Variants in SULT1E1 observed in about 807,000 individuals in gnomAD.
SULT1E1 encodes the protein sulfotransferase 1E1.
SULT1E1 carries 36 observed loss-of-function variants against 33.6 expected under a neutral mutation model. That is an observed-to-expected ratio of 1.07 (90% CI 0.82 to 1.41). SULT1E1 has a LOEUF of 1.41. Among genes scored for constraint, SULT1E1 ranks in the 40% most tolerant of loss-of-function variants. The pLI is 0.00. For missense variants in SULT1E1, 371 were observed against 345.7 expected (o/e 1.07, Z -0.58); for synonymous variants, 121 against 111.7 (o/e 1.08, Z -0.53).
At position 69,849,453 on chromosome 4, in the gene SULT1E1, T is replaced by A. The variant is rs1472692670; in HGVS notation, c.480A>T (p.Lys160Asn). ...NPGSFPEFVE[K>N]FMQGQVPYGS... The stretch of plus-strand genomic sequence containing the variant: ...TGTTCCTACCCTGTCCTTGCATGAA[T>A]TTCTCCACAAACTCTGGAAAGGATC... Residue 160 changes from lysine to asparagine, a missense_variant, in exon 5 of 8, where the codon AAA becomes AAT. Transcript: ENST00000226444. 6.2e-7 allele frequency: 1 copy of A among 1,611,154 alleles called. No homozygotes were observed. The highest frequency in any genetic ancestry group is 1.3e-5 in the African/African-American group (1 of 74,790).
At chr4:69,825,009 C>A in the SULT1E1 span, among the ~76,000 whole-genome samples, 1 of 152,150 alleles carries the variant, frequency 6.6e-6, no homozygotes, top group Non-Finnish European at 1.5e-5. Context: ...TGAAGGTCTG[C>A]AGCTTCACTC....
intron 3 of SULT1E1, 140 bp from the exon 4 acceptor site, chr4:69,854,454 C>A: frequency 1.8e-6 from 1 of 566,818 alleles, no homozygotes; most frequent in Non-Finnish European, 2.9e-6. Context: ...AGTATAAATT[C>A]TTGAGGGAAT....
the SULT1E1 span, among the ~76,000 whole-genome samples, chr4:69,832,871 G>A: frequency 9.2e-5 from 14 of 152,130 alleles, no homozygotes; most frequent in Non-Finnish European, 2.9e-5. Flanking sequence ...ATTCGAGGGG[G>A]AAGTTTACTT....
chr4:69,830,122 AC>A, the SULT1E1 span, among the ~76,000 whole-genome samples: 1 of 151,794 alleles, frequency 6.6e-6, no homozygotes, highest in Admixed American at 6.6e-5. Context: ...GTCTCAGCCA[AC>A]TCTCAAATCC....
chr4:69,843,131 C>A (rs1227756304), intron 7 of SULT1E1, among the ~76,000 whole-genome samples: 2 of 152,014 alleles, frequency 1.3e-5, no homozygotes, highest in Non-Finnish European at 2.9e-5. Context: ...CCACCGCGCC[C>A]AGCCCACCTT....
chr4:69,839,292 T>A (rs549813375), downstream of SULT1E1, among the ~76,000 whole-genome samples: 19 of 152,302 alleles, frequency 1.2e-4, no homozygotes, highest in Non-Finnish European at 2.6e-4. Flanking sequence ...GAGGGCCTTT[T>A]TGCTGCAACA....
downstream of SULT1E1, among the ~76,000 whole-genome samples, chr4:69,836,877 T>A (rs893070837): frequency 2.0e-5 from 3 of 152,138 alleles, no homozygotes; most frequent in Non-Finnish European, 4.4e-5. Flanking sequence ...TATCTAACTG[T>A]TATAAAACAA....
intron 7 of SULT1E1, among the ~76,000 whole-genome samples, chr4:69,843,324 C>A (rs1043545108): frequency 6.6e-6 from 1 of 152,156 alleles, no homozygotes; most frequent in Non-Finnish European, 1.5e-5. Context: ...TCCTCTGTAA[C>A]ATTTATATGT....
intron 6 of SULT1E1, among the ~76,000 whole-genome samples, chr4:69,847,341 A>G (rs1720997084): frequency 6.6e-6 from 1 of 151,606 alleles, no homozygotes; most frequent in Non-Finnish European, 1.5e-5. Context: ...TAACAATTGC[A>G]ACATCTCTAC....
chr4:69,838,973 T>G (rs1720837988), downstream of SULT1E1, among the ~76,000 whole-genome samples: 1 of 152,198 alleles, frequency 6.6e-6, no homozygotes, highest in South Asian at 2.1e-4. Context: ...ATTTAATCAT[T>G]TATTTATATC....
chr4:69,833,113 G>C, the SULT1E1 span, among the ~76,000 whole-genome samples: 1 of 151,858 alleles, frequency 6.6e-6, no homozygotes, highest in East Asian at 1.9e-4. Flanking sequence ...CACTATATGT[G>C]CCTAAGTACA....
At chr4:69,859,371 T>A (rs977391898) in intron 1 of SULT1E1, among the ~76,000 whole-genome samples, 4 of 152,046 alleles carry the variant, frequency 2.6e-5, no homozygotes, top group African/African-American at 9.7e-5. Context: ...AATACTATGG[T>A]GGATATAGAT....
chr4:69,842,088 T>C lies in SULT1E1; in HGVS notation c.791A>G (p.Lys264Arg). The C allele has an allele frequency of 1.2e-6, 2 of 1,604,618 alleles. No homozygotes were observed. Among genetic ancestry groups the C allele is most frequent in the Non-Finnish European group, 1.7e-6 (2 of 1,174,654 alleles). The change falls in exon 8 of 8, where the codon AAA (lysine) becomes AGA (arginine). Residue 264 changes from lysine (K) to arginine (R), a missense_variant. Transcript: ENST00000226444. ...ATTCAGGGCTACTGTAAAGTGATTT[T>C]TCCAGTCTCCTGTAATTCCTGTAAC... ...FMRKGITGDW[K>R]NHFTVALNEK...
the SULT1E1 span, among the ~76,000 whole-genome samples, chr4:69,824,700 T>C: frequency 2.0e-5 from 3 of 151,982 alleles, no homozygotes; most frequent in African/African-American, 7.3e-5. Flanking sequence ...CAGCACTCTG[T>C]AAAGCACACT....
At chr4:69,842,447 T>G (rs534925327) in intron 7 of SULT1E1, among the ~76,000 whole-genome samples, 3 of 152,230 alleles carry the variant, frequency 2.0e-5, no homozygotes, top group Admixed American at 6.5e-5. Flanking sequence ...TTAATGCTGA[T>G]AGCACTAAAA....
chr4:69,827,411 C>T, the SULT1E1 span, among the ~76,000 whole-genome samples: 2 of 152,128 alleles, frequency 1.3e-5, no homozygotes, highest in African/African-American at 4.8e-5. Flanking sequence ...TCGCAAACAT[C>T]TGTTGACCCG....
At chr4:69,853,394 A>G (rs1042122644) in intron 4 of SULT1E1, among the ~76,000 whole-genome samples, 7 of 152,134 alleles carry the variant, frequency 4.6e-5, no homozygotes, top group Non-Finnish European at 8.8e-5. Context: ...GACTTTCAAT[A>G]TTTCTTATAA....
At chr4:69,827,512 C>A in the SULT1E1 span, among the ~76,000 whole-genome samples, 1 of 152,188 alleles carries the variant, frequency 6.6e-6, no homozygotes, top group African/African-American at 2.4e-5. Flanking sequence ...GAAAATCCTT[C>A]TGCCTTCCTC....
At chr4:69,843,272 C>T (rs1182124898) in intron 7 of SULT1E1, among the ~76,000 whole-genome samples, 1 of 152,154 alleles carries the variant, frequency 6.6e-6, no homozygotes, top group Non-Finnish European at 1.5e-5. Flanking sequence ...TCTGAGGGTA[C>T]AGCAGCAAGT....
Sources: allele counts gnomAD v4.1 joint callset (sites outside exome capture counted in the v4.1 genomes callset), GRCh38; gene constraint gnomAD v4.1.1; transcripts MANE v1.5; gene names NCBI Gene and HGNC (gene_info 2026-07-23, HGNC 2026-07-21).